The following TOP3A variants were observed in gnomAD, a reference collection of about 807,000 sequenced individuals.
The protein encoded by TOP3A is DNA topoisomerase 3-alpha.
In TOP3A, 64 loss-of-function variants were observed where a neutral mutation model predicts 111.3. That is an observed-to-expected ratio of 0.57 (90% confidence interval 0.47 to 0.71). TOP3A has a LOEUF of 0.71. Among genes scored for constraint, TOP3A ranks in the 30% least tolerant of loss-of-function variants. The probability of loss-of-function intolerance (pLI) is 0.00; values close to 1 mark genes in which losing one functional copy is unlikely to be tolerated. For synonymous variants in TOP3A, 484 were observed against 485.1 expected, an observed-to-expected ratio of 1.00 and a Z score of 0.03; for missense variants, 1,104 against 1,285.0, an observed-to-expected ratio of 0.86 and a Z score of 2.15.
chr17:18,277,754 C>T lies in TOP3A; in HGVS notation c.2748G>A (p.Gly916=). The change falls in exon 18 of 19, where the codon GGG becomes GGA. Residue 916 remains glycine (G), a synonymous_variant. Transcript: ENST00000321105. ...GCTTGGCACATGTGTGGAACTGGCG[C>T]CCCTTGTTGGGTCCATCCTTCTGCA... ...RTVQKDGPNK[G]RQFHTCAKPR... The T allele has an allele frequency of 1.2e-6, 2 of 1,614,208 alleles. No homozygotes were observed. The highest frequency in any genetic ancestry group is 1.7e-6 in the Non-Finnish European group (2 of 1,180,042).
At chr17:18,312,077 G>A (rs192026287) in intron 1 of TOP3A, 2 of 152,286 alleles carry the variant, frequency 1.3e-5, no homozygotes, top group Admixed American at 1.3e-4. Flanking sequence ...CGCTATAAAT[G>A]GCTGCTGCGG....
chr17:18,312,578 GC>G, intron 1 of TOP3A: 1 of 179,048 alleles, frequency 5.6e-6, no homozygotes, highest in East Asian at 1.2e-4. Context: ...GGGAGGCAAT[GC>G]CCTGGGTCCA....
At chr17:18,275,745 C>G (rs142187595) in intron 18 of TOP3A, among the ~76,000 whole-genome samples, 238 of 151,428 alleles carry the variant, frequency 1.6e-3, no homozygotes, top group African/African-American at 5.6e-3. Flanking sequence ...GCTCCGCCTC[C>G]CGGGTTCACG....
intron 4 of TOP3A, among the ~76,000 whole-genome samples, chr17:18,305,494 G>A (rs2061214): frequency 0.27 from 31,508 of 117,526 alleles, 3,485 homozygotes; most frequent in East Asian, 0.31. Context: ...ACACGCGCGC[G>A]CGCGCGCGCG....
intron 13 of TOP3A, among the ~76,000 whole-genome samples, chr17:18,288,148 T>TATATATATATATATATATA (rs1292446447): frequency 7.6e-6 from 1 of 132,260 alleles, no homozygotes; most frequent in African/African-American, 2.9e-5. Context: ...TATATATATA[T>TATATATATATATATATATA]AAATTTTTTT....
At chr17:18,283,136 G>A (rs990336288) in intron 15 of TOP3A, among the ~76,000 whole-genome samples, 16 of 152,166 alleles carry the variant, frequency 1.1e-4, no homozygotes, top group Non-Finnish European at 4.4e-5. Context: ...ATCCCAGGCC[G>A]AGGCGGGCGG....
At position 18,274,749 on chromosome 17, in the gene TOP3A, A is replaced by G; in HGVS notation, c.*53T>C. ...ACTTGGTCCTGGTTAACTCATTTCT[A>G]AACACAAAGGGGACAGGTCTGAGAA... On this transcript the variant is annotated 3_prime_UTR_variant, in exon 19 of 19. Coordinates refer to ENST00000321105, the MANE Select transcript of TOP3A (RefSeq NM_004618.5). The G allele has an allele frequency of 6.4e-7, 1 of 1,567,196 alleles. No individual in the cohort carries two copies. The highest frequency in any genetic ancestry group is 1.2e-5 in the South Asian group (1 of 85,934).
intron 13 of TOP3A, among the ~76,000 whole-genome samples, chr17:18,286,383 G>A (rs1980106059): frequency 6.6e-6 from 1 of 151,714 alleles, no homozygotes; most frequent in Admixed American, 6.6e-5. Flanking sequence ...GGGTGTGGTG[G>A]CGGGCACCTG....
intron 15 of TOP3A, among the ~76,000 whole-genome samples, chr17:18,283,925 C>A (rs1181444201): frequency 6.6e-6 from 1 of 152,142 alleles, no homozygotes; most frequent in Non-Finnish European, 1.5e-5. Context: ...AGCTTCCATG[C>A]CCTCTCCCAA....
At chr17:18,290,085 C>T (rs1380685288) in intron 13 of TOP3A, among the ~76,000 whole-genome samples, 4 of 152,248 alleles carry the variant, frequency 2.6e-5, no homozygotes, top group Non-Finnish European at 5.9e-5. Flanking sequence ...AGTGTGGGTT[C>T]AGACCTGCAG....
chr17:18,314,226 G>C (rs1196799793), intron 1 of TOP3A, among the ~76,000 whole-genome samples: 1 of 152,168 alleles, frequency 6.6e-6, no homozygotes, highest in Non-Finnish European at 1.5e-5. Flanking sequence ...AGGGAATCTG[G>C]TCAGTAGTTC....
At chr17:18,282,386 CA>C (rs1354355592) in intron 16 of TOP3A, among the ~76,000 whole-genome samples, 1 of 152,184 alleles carries the variant, frequency 6.6e-6, no homozygotes, top group Non-Finnish European at 1.5e-5. Context: ...CATTTGAACC[CA>C]GACCCACCTA....
intron 1 of TOP3A, chr17:18,312,853 A>C (rs547580767): frequency 6.3e-6 from 1 of 159,322 alleles, no homozygotes; most frequent in African/African-American, 2.4e-5. Flanking sequence ...ACGGTGGCTC[A>C]CGCCTGTAAC....
chr17:18,302,227 A>G, intron 7 of TOP3A, 37 bp downstream of exon 7: 1 of 1,569,310 alleles, frequency 6.4e-7, no homozygotes, highest in Non-Finnish European at 8.6e-7. Context: ...CCTTGAGCCC[A>G]TAGGTCCCAG....
intron 18 of TOP3A, among the ~76,000 whole-genome samples, chr17:18,275,602 T>C (rs981157018): frequency 2.0e-5 from 3 of 151,834 alleles, no homozygotes; most frequent in Admixed American, 6.6e-5. Flanking sequence ...AACCTTGTGA[T>C]CCGCCCGCCT....
At position 18,282,704 on chromosome 17, in the gene TOP3A, T is replaced by C; in HGVS notation, c.2015A>G (p.Asn672Ser). The C allele has an allele frequency of 6.2e-7, 1 of 1,613,476 alleles. No homozygotes were observed. The highest frequency in any genetic ancestry group is 8.5e-7 in the Non-Finnish European group (1 of 1,179,916). Residue 672 changes from asparagine (N) to serine (S), a missense_variant, in exon 16 of 19, where the codon AAT becomes AGT. Transcript: ENST00000321105. The part of the protein sequence containing the change: ...NKDMVLKTKK[N>S]GGFYLSCMGF... ...CAGAAGGCAGCGCACTCACCCGCCATTCTTCTTGGTCTTAAGGACCATGTC... is the reference window on the plus strand; with the variant it reads ...CAGAAGGCAGCGCACTCACCCGCCACTCTTCTTGGTCTTAAGGACCATGTC...
chr17:18,278,578 C>A (rs965824954), intron 17 of TOP3A, among the ~76,000 whole-genome samples: 1 of 152,092 alleles, frequency 6.6e-6, no homozygotes, highest in Non-Finnish European at 1.5e-5. Flanking sequence ...ATCTAAGATC[C>A]CAGTAATTCA....
chr17:18,274,513 T>C lies in TOP3A; in HGVS notation c.*289A>G. 3.7e-6 allele frequency: 1 copy of C among 272,078 alleles called. No individual in the cohort carries two copies. Among genetic ancestry groups the C allele is most frequent in the East Asian group, 6.9e-5 (1 of 14,504 alleles). The allele number at this position is 272,078 out of a possible 1,614,324, so 16.9% of individuals were successfully genotyped here. ...TTCAGCTGGGACTGCACCAATCCTC[T>C]GCTAACAGCAACCATCCTTGGGGGG... On this transcript the variant is annotated 3_prime_UTR_variant, in exon 19 of 19. Transcript: ENST00000321105.
chr17:18,300,269 C>G (rs1981145297), intron 8 of TOP3A, among the ~76,000 whole-genome samples: 1 of 152,022 alleles, frequency 6.6e-6, no homozygotes, highest in Admixed American at 6.6e-5. Context: ...TGGTGCACGC[C>G]TGTAGTTCCA....
Sources: gnomAD v4.1 joint callset for allele counts (sites outside exome capture counted in the v4.1 genomes callset) on GRCh38, gnomAD v4.1.1 for gene constraint, MANE v1.5 for transcripts, NCBI Gene and HGNC (gene_info 2026-07-23, HGNC 2026-07-21) for gene names.